The following LASP1 variants were observed in gnomAD, a reference collection of about 807,000 sequenced individuals.
LASP1 encodes the protein LIM and SH3 domain protein 1.
A neutral mutation model predicts 38.6 loss-of-function variants in LASP1; 10 were observed. The ratio of observed to expected loss-of-function variants is 0.26; its 90% CI spans 0.16 to 0.44. The LOEUF is 0.44. Among genes scored for constraint, LASP1 ranks in the 20% least tolerant of loss-of-function variants. The pLI, the probability that LASP1 is intolerant of heterozygous loss-of-function variation, is 1.00. For missense variants in LASP1, 243 were observed against 375.7 expected, an observed-to-expected ratio of 0.65 and a Z score of 2.92; for synonymous variants, 132 against 140.8, an observed-to-expected ratio of 0.94 and a Z score of 0.44.
At chr17:38,914,197 A>G (rs892648493) in intron 4 of LASP1, 128 bp from the exon 5 acceptor site, 3 of 1,117,212 alleles carry the variant, frequency 2.7e-6, no homozygotes, top group Non-Finnish European at 3.9e-6. Flanking sequence ...GTGCTTCCAG[A>G]GCGAGACCTG....
intron 4 of LASP1, among the ~76,000 whole-genome samples, chr17:38,911,671 G>A (rs1598120775): frequency 6.6e-6 from 1 of 152,328 alleles, no homozygotes; most frequent in Middle Eastern, 3.4e-3. Context: ...CCTTCCTAGT[G>A]GGGTTGGGCG....
intron 4 of LASP1, among the ~76,000 whole-genome samples, chr17:38,908,634 C>G (rs1411448003): frequency 6.6e-6 from 1 of 152,226 alleles, no homozygotes; most frequent in African/African-American, 2.4e-5. Flanking sequence ...AAAGGAGGGA[C>G]TGATCCTGAC....
intron 3 of LASP1, among the ~76,000 whole-genome samples, chr17:38,891,328 G>A (rs1250408100): frequency 6.6e-6 from 1 of 152,092 alleles, no homozygotes; most frequent in African/African-American, 2.4e-5. Flanking sequence ...GGTTCCACCC[G>A]GGCCACAGAG....
intron 2 of LASP1, among the ~76,000 whole-genome samples, chr17:38,881,141 C>G (rs1913937423): frequency 6.6e-6 from 1 of 152,124 alleles, no homozygotes; most frequent in Admixed American, 6.6e-5. Flanking sequence ...AAAAAAATTC[C>G]TGCCCAGGGA....
intron 4 of LASP1, among the ~76,000 whole-genome samples, chr17:38,908,648 A>G (rs1476191921): frequency 6.6e-6 from 1 of 152,172 alleles, no homozygotes; most frequent in Non-Finnish European, 1.5e-5. Flanking sequence ...TCCTGACCCA[A>G]ACCCCTAAGT....
rs1915259911 is a variant in LASP1, at chr17:38,920,174, G to C, written c.*1396G>C. ...TGCCATAGGGTCTGCAGCCTGCTGG[G>C]GCTAAGCGGTGGAGGAAGGCTCTGT... On this transcript the variant is annotated 3_prime_UTR_variant, in exon 7 of 7. Transcript: ENST00000318008. 2 of 525,636 alleles carry C rather than the reference G, an allele frequency of 3.8e-6. No individual in the cohort carries two copies. Among genetic ancestry groups the C allele is most frequent in the South Asian group, 3.1e-5 (2 of 64,658 alleles). The allele number at this position is 525,636 out of a possible 1,614,324, so 32.6% of individuals were successfully genotyped here. A position where few individuals can be genotyped will look rare whatever the true frequency, so the allele number is the denominator to read the frequency against.
At chr17:38,879,484 C>T (rs1913877659) in intron 2 of LASP1, among the ~76,000 whole-genome samples, 1 of 143,708 alleles carries the variant, frequency 7.0e-6, no homozygotes, top group South Asian at 2.2e-4. Flanking sequence ...TTAATTTTAA[C>T]TTTTTTTTTT....
intron 3 of LASP1, among the ~76,000 whole-genome samples, chr17:38,896,283 A>G (rs1030199599): frequency 2.0e-5 from 3 of 152,100 alleles, no homozygotes; most frequent in East Asian, 3.9e-4. Flanking sequence ...CAGACTCCAA[A>G]TGGGAGGGAT....
intron 2 of LASP1, among the ~76,000 whole-genome samples, chr17:38,880,546 C>T (rs1913916591): frequency 6.6e-6 from 1 of 152,270 alleles, no homozygotes; most frequent in Non-Finnish European, 1.5e-5. Flanking sequence ...GCCCTAGCCT[C>T]TGCCATGCCT....
intron 2 of LASP1, among the ~76,000 whole-genome samples, chr17:38,885,862 T>TC (rs1167281854): frequency 6.6e-6 from 1 of 152,166 alleles, no homozygotes; most frequent in Non-Finnish European, 1.5e-5. Context: ...GTCAAATCAG[T>TC]TGGAGCTTTC....
Position 38,918,897 on chromosome 17 carries a change from A to C in LASP1, c.*119A>C, listed in dbSNP as rs1598125438. On this transcript the variant is annotated 3_prime_UTR_variant, in exon 7 of 7. Transcript: ENST00000318008. This position sits in a 1 kb window ranked among gnomAD's most constrained non-coding sequence, Gnocchi z 4.4. ...AAACCTGCGACAGCTTGTGATTCCTACCCCTCTTCCAGCTTCTTTTGCCAA... is the reference window on the plus strand; with the variant it reads ...AAACCTGCGACAGCTTGTGATTCCTCCCCCTCTTCCAGCTTCTTTTGCCAA... The C allele has an allele frequency of 2.6e-6, 3 of 1,141,188 alleles. No individual in the cohort carries two copies. The highest frequency in any genetic ancestry group is 2.7e-5 in the East Asian group (1 of 37,666). 70.7% of individuals were successfully genotyped at this position (1,141,188 alleles called of 1,614,324 possible).
intron 4 of LASP1, chr17:38,899,111 T>C: frequency 3.6e-6 from 1 of 278,744 alleles, no homozygotes; most frequent in Non-Finnish European, 7.2e-6. Context: ...GTCCCCAGCA[T>C]CGTGTGCCCT....
At chr17:38,894,427 A>T (rs1914429763) in intron 3 of LASP1, among the ~76,000 whole-genome samples, 2 of 152,180 alleles carry the variant, frequency 1.3e-5, no homozygotes, top group Non-Finnish European at 2.9e-5. Flanking sequence ...TGAATCTCGC[A>T]TCTGCTGCCA....
chr17:38,914,278 G>A (rs897045194), intron 4 of LASP1, 47 bp from the exon 5 acceptor site: 2 of 1,570,114 alleles, frequency 1.3e-6, no homozygotes, highest in Non-Finnish European at 1.7e-6. Flanking sequence ...GAAGGAACTG[G>A]GTGGTTTGCA....
chr17:38,875,761 C>G (rs1208064310), intron 1 of LASP1, among the ~76,000 whole-genome samples: 2 of 152,152 alleles, frequency 1.3e-5, no homozygotes, highest in Middle Eastern at 3.2e-3. Flanking sequence ...TCTGCTATCC[C>G]CTCCTCCCAG....
intron 4 of LASP1, 71 bp from the exon 5 acceptor site, chr17:38,914,254 C>G (rs1323555926): frequency 1.9e-5 from 29 of 1,538,602 alleles, no homozygotes; most frequent in Non-Finnish European, 2.6e-5. Context: ...ATCCTGGGAT[C>G]TTGAGGGTCA....
intron 3 of LASP1, among the ~76,000 whole-genome samples, chr17:38,895,167 G>A (rs1275781865): frequency 6.6e-6 from 1 of 151,280 alleles, no homozygotes. Flanking sequence ...TTTTTTTAGA[G>A]ATTTTTATTA....
At chr17:38,899,479 C>T (rs1005647704) in intron 4 of LASP1, among the ~76,000 whole-genome samples, 5 of 152,184 alleles carry the variant, frequency 3.3e-5, no homozygotes, top group African/African-American at 7.2e-5. Flanking sequence ...CACCTGGCCA[C>T]CTCAGCAGGG....
At chr17:38,905,626 A>C (rs148605477) in intron 4 of LASP1, among the ~76,000 whole-genome samples, 1 of 151,912 alleles carries the variant, frequency 6.6e-6, no homozygotes, top group South Asian at 2.1e-4. Context: ...TCCCACCAGC[A>C]GAGATGAGTT....
Sources: allele counts gnomAD v4.1 joint callset (sites outside exome capture counted in the v4.1 genomes callset), GRCh38; gene constraint gnomAD v4.1.1; non-coding constraint Gnocchi (gnomAD v3.1); transcripts MANE v1.5; gene names NCBI Gene and HGNC (gene_info 2026-07-23, HGNC 2026-07-21).